Variants in CFAP54 observed in about 807,000 individuals in gnomAD.
CFAP54 encodes the protein cilia and flagella associated protein 54.
Under a neutral mutation model 370.4 loss-of-function variants are expected in CFAP54, and 290 were observed. That is an observed-to-expected ratio of 0.78 (90% CI 0.71 to 0.86). The LOEUF is 0.86. CFAP54 is among the 40% of genes least tolerant of loss of function. The probability of loss-of-function intolerance (pLI) is 0.00; values close to 1 mark genes in which losing one functional copy is unlikely to be tolerated. For missense variants in CFAP54, 3,399 were observed against 3,528.7 expected, an observed-to-expected ratio of 0.96 and a Z score of 0.93; for synonymous variants, 1,206 against 1,236.5, an observed-to-expected ratio of 0.98 and a Z score of 0.52.
intron 32 of CFAP54, among the ~76,000 whole-genome samples, chr12:96,632,069 AT>A (rs1956615769): frequency 6.6e-6 from 1 of 151,740 alleles, no homozygotes; most frequent in Non-Finnish European, 1.5e-5. Context: ...CATTGTTTCA[AT>A]TTTCATTTCT....
At chr12:96,779,655 T>C (rs1253891885) in intron 60 of CFAP54, among the ~76,000 whole-genome samples, 2 of 148,392 alleles carry the variant, frequency 1.3e-5, no homozygotes, top group Non-Finnish European at 3.0e-5. Context: ...TATATATTAA[T>C]TTATATATTA....
intron 3 of CFAP54, among the ~76,000 whole-genome samples, chr12:96,506,208 G>A (rs1955098503): frequency 1.3e-5 from 2 of 151,790 alleles, no homozygotes; most frequent in Admixed American, 6.6e-5. Context: ...GCGTGGTGGC[G>A]GGCACCTGTA....
chr12:96,525,771 A>G (rs1271697924), intron 8 of CFAP54, among the ~76,000 whole-genome samples: 1 of 152,106 alleles, frequency 6.6e-6, no homozygotes, highest in East Asian at 1.9e-4. Context: ...GCTCACTGCA[A>G]CCTCTGCCTC....
chr12:96,629,564 C>T (rs536683303), intron 30 of CFAP54, among the ~76,000 whole-genome samples: 21 of 152,084 alleles, frequency 1.4e-4, no homozygotes, highest in South Asian at 4.2e-4. Flanking sequence ...CCACCCGCCT[C>T]AGCCTCCCAA....
rs1286423282 is a variant in CFAP54 at position 96,610,417 on chromosome 12, T to C, written c.3640-11173T>C. 2.7e-5 allele frequency among the ~76,000 whole-genome samples: 4 copies of C among 149,124 alleles called. No individual in the cohort carries two copies. The East Asian group carries it at 7.9e-4, about 30-fold the overall frequency. On this transcript the variant is annotated intron_variant, in intron 26 of 67. Coordinates refer to ENST00000524981, the MANE Select transcript of CFAP54 (RefSeq NM_001306084.2). ...AGATAAACAGGGAGTTATGGGGGGG[T>C]GGGGGCTCCCAAGATGGCTGAATAG...
At chr12:96,648,989 C>A (rs530873052) in intron 34 of CFAP54, among the ~76,000 whole-genome samples, 157 of 152,250 alleles carry the variant, frequency 1.0e-3, no homozygotes, top group East Asian at 4.1e-3. Flanking sequence ...AACCTGGACA[C>A]TTTCTAACCA....
intron 60 of CFAP54, among the ~76,000 whole-genome samples, chr12:96,783,819 A>G (rs1958603113): frequency 6.6e-6 from 1 of 152,134 alleles, no homozygotes; most frequent in African/African-American, 2.4e-5. Context: ...CCGGGAGGAG[A>G]AGGTTGCGGT....
chr12:96,521,348 G>A (rs1955309988), intron 6 of CFAP54, among the ~76,000 whole-genome samples: 2 of 152,256 alleles, frequency 1.3e-5, no homozygotes, highest in African/African-American at 2.4e-5. Context: ...CCTTCCTTCA[G>A]ATATTTATTA....
intron 22 of CFAP54, among the ~76,000 whole-genome samples, chr12:96,588,680 CTGT>C (rs111249346): frequency 0.31 from 46,522 of 151,900 alleles, 7,223 homozygotes; most frequent in Non-Finnish European, 0.34. Flanking sequence ...CATACCTTAG[CTGT>C]TTCCATAAAG....
chr12:96,640,948 T>C (rs1399401369), intron 32 of CFAP54, among the ~76,000 whole-genome samples: 2 of 151,988 alleles, frequency 1.3e-5, no homozygotes, highest in South Asian at 2.1e-4. Flanking sequence ...AAGACTTAAA[T>C]GTTAGACCTA....
intron 26 of CFAP54, among the ~76,000 whole-genome samples, chr12:96,620,318 A>T (rs1321509313): frequency 6.6e-6 from 1 of 152,160 alleles, no homozygotes; most frequent in African/African-American, 2.4e-5. Flanking sequence ...ACCTGGTGTG[A>T]AGTAATTGAA....
chr12:96,550,508 C>T (rs1228888974), intron 15 of CFAP54, among the ~76,000 whole-genome samples: 7 of 152,150 alleles, frequency 4.6e-5, no homozygotes, highest in East Asian at 1.9e-4. Flanking sequence ...ACCTGGGAGG[C>T]GGAGGTTGCA....
intron 63 of CFAP54, among the ~76,000 whole-genome samples, chr12:96,795,906 T>A (rs1285962455): frequency 1.3e-5 from 2 of 152,148 alleles, no homozygotes; most frequent in African/African-American, 4.8e-5. Flanking sequence ...TCCCCAAGGA[T>A]CCCTGCGAGA....
chr12:96,657,093 A>G (rs1187955502), intron 36 of CFAP54, among the ~76,000 whole-genome samples: 1 of 152,214 alleles, frequency 6.6e-6, no homozygotes, highest in African/African-American at 2.4e-5. Flanking sequence ...ACACCCATGT[A>G]TATAGGTTAC....
chr12:96,493,682 C>T (rs1054905285), intron 1 of CFAP54, among the ~76,000 whole-genome samples: 1 of 152,086 alleles, frequency 6.6e-6, no homozygotes, highest in African/African-American at 2.4e-5. Flanking sequence ...CCTGTAATCC[C>T]AGCTACTCGG....
chr12:96,729,283 G>T (rs1001159221), intron 50 of CFAP54, among the ~76,000 whole-genome samples: 4 of 152,192 alleles, frequency 2.6e-5, no homozygotes, highest in African/African-American at 7.2e-5. Flanking sequence ...GCCCCCAGAG[G>T]TGCAGCCTAC....
chr12:96,870,254 C>T (rs1190429435), intron 67 of CFAP54, among the ~76,000 whole-genome samples: 1 of 150,808 alleles, frequency 6.6e-6, no homozygotes, highest in Non-Finnish European at 1.5e-5. Flanking sequence ...AGTGAGACTC[C>T]ATCTCAAAGA....
chr12:96,655,885 A>G (rs1956916974), intron 36 of CFAP54, among the ~76,000 whole-genome samples: 1 of 152,120 alleles, frequency 6.6e-6, no homozygotes, highest in Admixed American at 6.5e-5. Context: ...TTTTTTAGGT[A>G]GGATTATAGT....
intron 1 of CFAP54, among the ~76,000 whole-genome samples, chr12:96,499,506 G>T (rs1209295347): frequency 6.6e-6 from 1 of 152,138 alleles, no homozygotes; most frequent in Non-Finnish European, 1.5e-5. Flanking sequence ...GTCTCTCATT[G>T]ATTGCTGGTG....
Sources: allele counts gnomAD v4.1 joint callset (sites outside exome capture counted in the v4.1 genomes callset), GRCh38; gene constraint gnomAD v4.1.1; transcripts MANE v1.5; gene names NCBI Gene and HGNC (gene_info 2026-07-23, HGNC 2026-07-21).